GRID1: variants seen among roughly 807,000 people sequenced by gnomAD.
GRID1 encodes the protein glutamate ionotropic receptor delta type subunit 1, also known as glutamate receptor ionotropic, delta-1.
A neutral mutation model predicts 98.0 loss-of-function variants in GRID1; 28 were observed. The ratio of observed to expected loss-of-function variants is 0.29; its 90% CI spans 0.21 to 0.39. The LOEUF (loss-of-function observed/expected upper bound fraction) is 0.39, where lower values mean the gene tolerates loss of function less well. Among genes scored for constraint, GRID1 ranks in the 10% least tolerant of loss-of-function variants. The probability of loss-of-function intolerance (pLI) is 1.00; values close to 1 mark genes in which losing one functional copy is unlikely to be tolerated. For synonymous variants in GRID1, 553 were observed against 538.5 expected, an observed-to-expected ratio of 1.03 and a Z score of -0.37; for missense variants, 1,111 against 1,340.5, an observed-to-expected ratio of 0.83 and a Z score of 2.67.
At chr10:85,811,688 G>A (rs1842673141) in intron 8 of GRID1, among the ~76,000 whole-genome samples, 1 of 152,114 alleles carries the variant, frequency 6.6e-6, no homozygotes, top group South Asian at 2.1e-4. Flanking sequence ...AATAAAGAAA[G>A]CCTACAGAAT....
At chr10:85,931,974 G>A (rs1253661768) in intron 4 of GRID1, among the ~76,000 whole-genome samples, 2 of 152,164 alleles carry the variant, frequency 1.3e-5, no homozygotes, top group African/African-American at 4.8e-5. Context: ...TCCAGCCGCT[G>A]GCATCCTGGG....
intron 8 of GRID1, among the ~76,000 whole-genome samples, chr10:85,810,443 A>G (rs1286275488): frequency 6.6e-6 from 1 of 152,108 alleles, no homozygotes; most frequent in African/African-American, 2.4e-5. Context: ...CTGGCTAGAC[A>G]CACCCTTGAG....
intron 2 of GRID1, among the ~76,000 whole-genome samples, chr10:86,359,327 G>A (rs906662039): frequency 6.6e-5 from 10 of 152,190 alleles, no homozygotes; most frequent in Non-Finnish European, 1.2e-4. Context: ...AGCCAACGAA[G>A]ATGCCGGAAG....
intron 5 of GRID1, among the ~76,000 whole-genome samples, chr10:85,885,790 G>A (rs1841109080): frequency 6.6e-6 from 1 of 152,124 alleles, no homozygotes; most frequent in African/African-American, 2.4e-5. Flanking sequence ...AAGGAAAGCA[G>A]AAAAGAAAGG....
intron 5 of GRID1, among the ~76,000 whole-genome samples, chr10:85,907,587 TAACA>T (rs1025255991): frequency 6.6e-6 from 1 of 152,374 alleles, no homozygotes; most frequent in African/African-American, 2.4e-5. Flanking sequence ...TGGTAAATTC[TAACA>T]AACATTTAGT....
intron 12 of GRID1, among the ~76,000 whole-genome samples, chr10:85,650,886 G>T (rs1843259595): frequency 6.6e-6 from 1 of 152,220 alleles, no homozygotes; most frequent in Non-Finnish European, 1.5e-5. Flanking sequence ...GAATTTGACA[G>T]TCCTGGGTGT....
At chr10:86,165,509 G>C (rs1248873610) in intron 3 of GRID1, among the ~76,000 whole-genome samples, 3 of 152,220 alleles carry the variant, frequency 2.0e-5, no homozygotes, top group African/African-American at 7.2e-5. Flanking sequence ...GAGGTGTTGA[G>C]CCAGGGCTGA....
intron 8 of GRID1, among the ~76,000 whole-genome samples, chr10:85,737,803 G>A (rs1841901773): frequency 6.7e-6 from 1 of 149,284 alleles, no homozygotes; most frequent in Admixed American, 6.7e-5. Context: ...TATAAAGTTA[G>A]CCTATAAGAA....
chr10:86,314,100 G>A (rs1040830070), intron 2 of GRID1, among the ~76,000 whole-genome samples: 1 of 152,084 alleles, frequency 6.6e-6, no homozygotes, highest in Middle Eastern at 3.2e-3. Flanking sequence ...CTTTGTTAAG[G>A]GCAGATCAGG....
chr10:86,239,188 G>A (rs1846587536), intron 2 of GRID1, among the ~76,000 whole-genome samples: 1 of 152,244 alleles, frequency 6.6e-6, no homozygotes, highest in African/African-American at 2.4e-5. Context: ...AGAGTCAAAG[G>A]AGATTATTTT....
At chr10:86,062,376 C>G (rs1403428727) in intron 4 of GRID1, among the ~76,000 whole-genome samples, 1 of 152,148 alleles carries the variant, frequency 6.6e-6, no homozygotes, top group African/African-American at 2.4e-5. Context: ...CCCCCCAGAG[C>G]ACCCGGAGCT....
At chr10:85,646,131 T>G (rs1440949222) in intron 13 of GRID1, 1 of 153,716 alleles carries the variant, frequency 6.5e-6, no homozygotes, top group Admixed American at 6.6e-5. Context: ...TGTGTGTGTG[T>G]GTGTGTGGCA....
chr10:86,128,343 G>C (rs925439803), intron 4 of GRID1, among the ~76,000 whole-genome samples: 1 of 152,130 alleles, frequency 6.6e-6, no homozygotes, highest in Non-Finnish European at 1.5e-5. Context: ...TTCTTGGATG[G>C]GGTTGGGGGA....
intron 12 of GRID1, among the ~76,000 whole-genome samples, chr10:85,694,184 C>A (rs1841363326): frequency 6.6e-6 from 1 of 151,970 alleles, no homozygotes. Flanking sequence ...TGCTCAACAT[C>A]ACCGATTATC....
At chr10:85,865,956 GAGAGAGA>G (rs2131789934) in intron 6 of GRID1, among the ~76,000 whole-genome samples, 1 of 7,126 alleles carries the variant, frequency 1.4e-4, no homozygotes, top group African/African-American at 5.3e-4. Context: ...CATATATATG[GAGAGAGA>G]GAGAGAGAGA....
intron 8 of GRID1, among the ~76,000 whole-genome samples, chr10:85,730,040 A>G: frequency 6.6e-6 from 1 of 152,218 alleles, no homozygotes; most frequent in East Asian, 1.9e-4. Context: ...GATGAAGCTC[A>G]GCAGTAAAGC....
chr10:86,168,444 A>T (rs1199401492), intron 3 of GRID1, among the ~76,000 whole-genome samples: 1 of 152,150 alleles, frequency 6.6e-6, no homozygotes, highest in Non-Finnish European at 1.5e-5. Context: ...GGCTGTGTTT[A>T]CCGAGGGCAC....
chr10:86,194,921 C>G (rs1589406178), intron 3 of GRID1, among the ~76,000 whole-genome samples: 1 of 152,094 alleles, frequency 6.6e-6, no homozygotes, highest in South Asian at 2.1e-4. Context: ...GGGCAGGGAC[C>G]ATGCCTGCCT....
intron 4 of GRID1, among the ~76,000 whole-genome samples, chr10:85,958,462 T>C (rs1398316337): frequency 6.6e-6 from 1 of 151,898 alleles, no homozygotes; most frequent in Non-Finnish European, 1.5e-5. Context: ...TCTGAGTGTG[T>C]CTGTGAGGGT....
Sources: allele counts gnomAD v4.1 joint callset (sites outside exome capture counted in the v4.1 genomes callset), GRCh38; gene constraint gnomAD v4.1.1; transcripts MANE v1.5; gene names NCBI Gene and HGNC (gene_info 2026-07-23, HGNC 2026-07-21).